Variants in ADAMTS19 observed in about 807,000 individuals in gnomAD.
ADAMTS19 encodes the protein A disintegrin and metalloproteinase with thrombospondin motifs 19.
ADAMTS19 carries 93 observed loss-of-function variants against 153.3 expected under a neutral mutation model. The ratio of observed to expected loss-of-function variants is 0.61; its 90% CI spans 0.51 to 0.72. ADAMTS19 has a LOEUF of 0.72. Among genes scored for constraint, ADAMTS19 ranks in the 30% least tolerant of loss-of-function variants. The pLI is 0.00. For missense variants in ADAMTS19, 1,482 were observed against 1,552.1 expected, an observed-to-expected ratio of 0.95 and a Z score of 0.76; for synonymous variants, 600 against 556.6, an observed-to-expected ratio of 1.08 and a Z score of -1.10.
At position 129,596,393 on chromosome 5, in the gene ADAMTS19, A is replaced by G. The variant is rs76426017; in HGVS notation, c.1373-166A>G. Among the ~76,000 whole-genome samples, 21 of 152,214 alleles carry G rather than the reference A, an allele frequency of 1.4e-4. No homozygotes were observed. In the East Asian group the frequency reaches 3.9e-3, roughly 28 times the overall value. Reference sequence around the variant, plus strand: ...ATGAACATTTTTTTGCCTGGCCTATACATATACACTTGCCCCTAAAATTTC... The same window carrying G: ...ATGAACATTTTTTTGCCTGGCCTATGCATATACACTTGCCCCTAAAATTTC... On this transcript the variant is annotated intron_variant, in intron 7 of 22. Coordinates refer to ENST00000274487, the MANE Select transcript of ADAMTS19 (RefSeq NM_133638.6).
chr5:129,706,526 G>A (rs955738206), intron 21 of ADAMTS19, among the ~76,000 whole-genome samples: 8 of 148,344 alleles, frequency 5.4e-5, no homozygotes, highest in Admixed American at 1.4e-4. Context: ...CCAAGATAAC[G>A]CCATTGCGCT....
In ADAMTS19 at chr5:129,692,340, GA is replaced by G. The variant is rs550619634; in HGVS notation, c.2819-2370del. 1.4e-4 allele frequency among the ~76,000 whole-genome samples: 20 copies of G among 146,870 alleles called. 1 individual carries two copies. The East Asian group carries it at 1.4e-3, about 10-fold the overall frequency. On this transcript the variant is annotated intron_variant, in intron 18 of 22. Coordinates refer to ENST00000274487, the MANE Select transcript of ADAMTS19 (RefSeq NM_133638.6). ...CTCGTGATGCCTGTTTTCTCCATGT[GA>G]AAAAAAAAAGAGCATAATGTCATTT...
chr5:129,599,617 C>T (rs1015936705), intron 8 of ADAMTS19, among the ~76,000 whole-genome samples: 5 of 152,054 alleles, frequency 3.3e-5, no homozygotes, highest in Non-Finnish European at 5.9e-5. Context: ...AAATACAATA[C>T]GAGTTAATTT....
At chr5:129,718,709 A>T (rs957782282) in intron 21 of ADAMTS19, among the ~76,000 whole-genome samples, 3 of 152,144 alleles carry the variant, frequency 2.0e-5, no homozygotes, top group Non-Finnish European at 4.4e-5. Context: ...TTGTTAAACC[A>T]CTTTGGAATA....
chr5:129,650,617 T>A (rs1404076504), intron 13 of ADAMTS19, among the ~76,000 whole-genome samples: 1 of 152,186 alleles, frequency 6.6e-6, no homozygotes, highest in Non-Finnish European at 1.5e-5. Context: ...CCAAGGCCAG[T>A]CCCTCCAGTT....
At chr5:129,466,896 A>G (rs1487498944) in intron 2 of ADAMTS19, among the ~76,000 whole-genome samples, 5 of 152,224 alleles carry the variant, frequency 3.3e-5, no homozygotes, top group African/African-American at 1.2e-4. Flanking sequence ...CATATTTGGA[A>G]TTAAAAATAA....
chr5:129,513,011 A>G (rs1363211995), intron 3 of ADAMTS19, among the ~76,000 whole-genome samples: 4 of 151,548 alleles, frequency 2.6e-5, no homozygotes, highest in African/African-American at 7.3e-5. Flanking sequence ...CTCCATTTCA[A>G]TTTTTCTCCT....
chr5:129,653,021 A>T (rs906820865), intron 13 of ADAMTS19, among the ~76,000 whole-genome samples: 1 of 152,118 alleles, frequency 6.6e-6, no homozygotes, highest in African/African-American at 2.4e-5. Context: ...CAACTCCCCA[A>T]AATTGTTGAG....
intron 11 of ADAMTS19, among the ~76,000 whole-genome samples, chr5:129,643,367 C>CAAAAAAAAAAAAAAAAAAAA (rs556007087): frequency 5.0e-5 from 2 of 40,346 alleles, no homozygotes; most frequent in African/African-American, 1.5e-4. Flanking sequence ...GTTTCAAAGA[C>CAAAAAAAAAAAAAAAAAAAA]AAAAAAAAAA....
At chr5:129,583,998 T>G (rs970550311) in intron 7 of ADAMTS19, among the ~76,000 whole-genome samples, 1 of 152,018 alleles carries the variant, frequency 6.6e-6, no homozygotes, top group Non-Finnish European at 1.5e-5. Context: ...GGCATTCTGG[T>G]TTTTGGAATT....
chr5:129,488,165 T>C (rs1397371904), intron 2 of ADAMTS19, among the ~76,000 whole-genome samples: 2 of 152,024 alleles, frequency 1.3e-5, no homozygotes, highest in African/African-American at 4.8e-5. Flanking sequence ...TATTCAGAGA[T>C]AAAGTACTTG....
intron 7 of ADAMTS19, among the ~76,000 whole-genome samples, chr5:129,578,022 A>C (rs1749238799): frequency 7.0e-6 from 1 of 143,144 alleles, no homozygotes; most frequent in African/African-American, 2.6e-5. Flanking sequence ...GAAGGAATTT[A>C]TTGATTTTCA....
chr5:129,473,900 T>A (rs578013066), intron 2 of ADAMTS19, among the ~76,000 whole-genome samples: 5 of 152,098 alleles, frequency 3.3e-5, no homozygotes, highest in African/African-American at 1.2e-4. Flanking sequence ...TGCCCTTTTT[T>A]CCAACATCTT....
At chr5:129,654,113 T>A (rs1753435450) in intron 13 of ADAMTS19, among the ~76,000 whole-genome samples, 193 bp from the exon 14 acceptor site, 1 of 152,166 alleles carries the variant, frequency 6.6e-6, no homozygotes, top group Admixed American at 6.6e-5. Flanking sequence ...AAGATTAATA[T>A]TCATTAAACA....
At chr5:129,635,679 C>G (rs988712040) in intron 10 of ADAMTS19, among the ~76,000 whole-genome samples, 1 of 152,072 alleles carries the variant, frequency 6.6e-6, no homozygotes, top group African/African-American at 2.4e-5. Flanking sequence ...CATGTTCTCA[C>G]TTATAAATGA....
chr5:129,709,880 G>C (rs192217065), intron 21 of ADAMTS19, among the ~76,000 whole-genome samples: 2 of 151,852 alleles, frequency 1.3e-5, no homozygotes, highest in Non-Finnish European at 2.9e-5. Flanking sequence ...GGATTCTTAA[G>C]GTGTGTAAAT....
chr5:129,729,105 C>A (rs879668095), intron 21 of ADAMTS19, among the ~76,000 whole-genome samples: 1 of 151,866 alleles, frequency 6.6e-6, no homozygotes. Flanking sequence ...GTAATTTAGA[C>A]CTGAACCTGC....
chr5:129,695,919 C>T (rs897401691), intron 19 of ADAMTS19, among the ~76,000 whole-genome samples: 1 of 152,160 alleles, frequency 6.6e-6, no homozygotes, highest in Non-Finnish European at 1.5e-5. Flanking sequence ...TTCAGATAGG[C>T]AGATAATGTG....
intron 2 of ADAMTS19, among the ~76,000 whole-genome samples, chr5:129,504,552 T>C (rs751635798): frequency 3.3e-5 from 5 of 152,250 alleles, no homozygotes; most frequent in South Asian, 4.1e-4. Flanking sequence ...TTTTCAAATA[T>C]ACAATGCATC....
Sources: gnomAD v4.1 joint callset for allele counts (sites outside exome capture counted in the v4.1 genomes callset) on GRCh38, gnomAD v4.1.1 for gene constraint, MANE v1.5 for transcripts, NCBI Gene and HGNC (gene_info 2026-07-23, HGNC 2026-07-21) for gene names.